The following GGT5 variants were observed in gnomAD, a reference collection of about 807,000 sequenced individuals.
GGT5 encodes gamma-glutamyltransferase 5, also known as glutathione hydrolase 5 proenzyme.
In GGT5, 50 loss-of-function variants were observed where a neutral mutation model predicts 58.1. The observed-to-expected ratio is 0.86, with a 90% CI of 0.69 to 1.09. GGT5 has a LOEUF of 1.09. Ranked by LOEUF, GGT5 falls within the 50% of genes least tolerant of loss-of-function variation. The pLI, the probability that GGT5 is intolerant of heterozygous loss-of-function variation, is 0.00. For missense variants in GGT5, 800 were observed against 789.4 expected (o/e 1.01, Z -0.16); for synonymous variants, 370 against 346.1 (o/e 1.07, Z -0.77).
chr22:24,244,295 GCA>G (rs146390000), intron 1 of GGT5: 7,872 of 384,502 alleles, frequency 0.02, no homozygotes, highest in East Asian at 0.031. Context: ...CAGTGCACGT[GCA>G]CACACACACA....
chr22:24,224,517 C>CA (rs575269473), intron 11 of GGT5, among the ~76,000 whole-genome samples: 16,859 of 136,362 alleles, frequency 0.12, 1,223 homozygotes, highest in South Asian at 0.24. Context: ...GATGCTGTCT[C>CA]AAAAAAAAAA....
At chr22:24,221,438 GC>G (rs1339339908) in intron 11 of GGT5, among the ~76,000 whole-genome samples, 3 of 152,022 alleles carry the variant, frequency 2.0e-5, no homozygotes, top group Admixed American at 6.5e-5. Flanking sequence ...TGACCTTGTG[GC>G]CCCCACCCAG....
intron 11 of GGT5, among the ~76,000 whole-genome samples, chr22:24,224,558 A>C (rs1398601908): frequency 1.3e-5 from 2 of 151,958 alleles, no homozygotes; most frequent in Non-Finnish European, 2.9e-5. Flanking sequence ...AATTACCACC[A>C]ATGCCCTAGT....
intron 1 of GGT5, chr22:24,241,108 G>A (rs1369258862): frequency 1.6e-5 from 2 of 128,524 alleles, no homozygotes; most frequent in African/African-American, 3.0e-5. Context: ...GGTGAGCCAA[G>A]ATCGTGCTAT....
intron 1 of GGT5, among the ~76,000 whole-genome samples, chr22:24,235,619 A>C (rs903696222): frequency 6.6e-6 from 1 of 152,212 alleles, no homozygotes; most frequent in Non-Finnish European, 1.5e-5. Flanking sequence ...GAGAGCACAA[A>C]GCCAGAAAAT....
rs199786821 is a variant in GGT5 at position 24,233,911 on chromosome 22, G to A, written c.267C>T (p.Gly89=). 4.2e-5 allele frequency: 67 copies of A among 1,613,350 alleles called. No individual in the cohort carries two copies. Among genetic ancestry groups the A allele is most frequent in the African/African-American group, 2.1e-4 (16 of 74,998 alleles). ...TGTAGATGGTGAAGATGACCCCTCC[G>A]CCCAGGCCCATGCTCTGAGGGTTGA... ...SVVNPQSMGL[G]GGVIFTIYNV... The change falls in exon 2 of 12, where the codon GGC becomes GGT. Residue 89 remains glycine, a synonymous_variant. Transcript: ENST00000327365.
intron 1 of GGT5, chr22:24,244,227 T>C (rs2048401904): frequency 3.2e-6 from 1 of 309,016 alleles, no homozygotes; most frequent in African/African-American, 2.1e-5. Flanking sequence ...GCTGCCTCCT[T>C]GCGCCCAAGA....
intron 6 of GGT5, among the ~76,000 whole-genome samples, chr22:24,230,768 T>C (rs192507115): frequency 6.6e-6 from 1 of 152,308 alleles, no homozygotes; most frequent in African/African-American, 2.4e-5. Context: ...ATCATTTTCT[T>C]TGAGAGCCTT....
At chr22:24,220,169 A>G in intron 11 of GGT5, 53 bp from the exon 12 acceptor site, 1 of 1,553,064 alleles carries the variant, frequency 6.4e-7, no homozygotes, top group Non-Finnish European at 8.8e-7. Context: ...GCCCATCTCC[A>G]GGAGGGAGAG....
At chr22:24,240,822 G>T (rs2048306739) in intron 1 of GGT5, among the ~76,000 whole-genome samples, 1 of 152,076 alleles carries the variant, frequency 6.6e-6, no homozygotes, top group South Asian at 2.1e-4. Context: ...ACTTTAAGAA[G>T]AAAAGTATTA....
chr22:24,231,978 C>T (rs2047955153), intron 5 of GGT5, 73 bp downstream of exon 5: 2 of 1,310,640 alleles, frequency 1.5e-6, no homozygotes, highest in Non-Finnish European at 2.2e-6. Flanking sequence ...AGGAGCCTGC[C>T]CTCAACCCCC....
intron 1 of GGT5, among the ~76,000 whole-genome samples, chr22:24,238,779 AATATATATTATATATT>A (rs2048183696): frequency 1.2e-4 from 3 of 24,282 alleles, no homozygotes; most frequent in African/African-American, 7.3e-4. Flanking sequence ...ATATATATAT[AATATATATTATATATT>A]TATATATATA....
At chr22:24,222,560 A>T (rs2047622811) in intron 11 of GGT5, among the ~76,000 whole-genome samples, 1 of 152,158 alleles carries the variant, frequency 6.6e-6, no homozygotes, top group African/African-American at 2.4e-5. Context: ...GGAGGCTTAA[A>T]GTCTCCAACC....
Position 24,231,452 on chromosome 22 carries a change from T to C in GGT5, c.833A>G (p.Tyr278Cys). ...VDALEVPLGD[Y>C]TLYSPPPPAG... ...AGGCGGCGGTGGTGAGTACAGGGTA[T>C]AGTCCCCCAGGGGCACCTCCAGGGC... is the stretch of plus-strand genomic sequence containing the variant. Residue 278 changes from tyrosine (Y) to cysteine (C), a missense_variant, in exon 6 of 12, where the codon TAT (tyrosine) becomes TGT (cysteine). Tyr to Cys is a radical substitution (Grantham distance 194). Transcript: ENST00000327365. 1 of 1,568,130 alleles carries C rather than the reference T, an allele frequency of 6.4e-7. No homozygotes were observed. The highest frequency in any genetic ancestry group is 8.6e-7 in the Non-Finnish European group (1 of 1,156,324).
Position 24,232,199 on chromosome 22 carries a change from G to T in GGT5, c.606C>A (p.Phe202Leu). Reference sequence around the variant, plus strand: ...GCCTCAGGGGTTCTGTCCCGTTGAAGAAGAGCTGGCTGGGGGGTGGGGGGA... The same window carrying T: ...GCCTCAGGGGTTCTGTCCCGTTGAATAAGAGCTGGCTGGGGGGTGGGGGGA... The part of the protein sequence containing the change: ...SLQASTLRQL[F>L]FNGTEPLRPQ... Residue 202 changes from phenylalanine (F) to leucine (L), a missense_variant, in exon 5 of 12, where the codon TTC becomes TTA. Coordinates refer to ENST00000327365, the MANE Select transcript of GGT5 (RefSeq NM_004121.5). The T allele has an allele frequency of 9.2e-7, 1 of 1,091,562 alleles. No homozygotes were observed. The highest frequency in any genetic ancestry group is 1.3e-6 in the Non-Finnish European group (1 of 768,056). The allele number at this position is 1,091,562 out of a possible 1,614,324, so 67.6% of individuals were successfully genotyped here.
intron 11 of GGT5, among the ~76,000 whole-genome samples, chr22:24,221,795 C>T (rs374607309): frequency 2.0e-4 from 30 of 152,100 alleles, no homozygotes; most frequent in East Asian, 7.8e-4. Flanking sequence ...CGGGAGCCAC[C>T]GCGCGCAGCC....
rs371281442 is a variant in GGT5, at chr22:24,225,565, G to A, written c.1317C>T (p.Ser439=). ...LDLCERCPRG[S]GTTPSPVSGD... Reference sequence around the variant, plus strand: ...TCTCACCAGGTGAGGGGGTGGTGCCGGAACCCCGGGGGCATCGCTCGCATA... The same window carrying A: ...TCTCACCAGGTGAGGGGGTGGTGCCAGAACCCCGGGGGCATCGCTCGCATA... Residue 439 remains serine (S), a synonymous_variant, in exon 9 of 12, where the codon TCC becomes TCT. Transcript: ENST00000327365. 2.0e-5 allele frequency: 33 copies of A among 1,611,736 alleles called. No individual in the cohort carries two copies. The African/African-American group carries it at 2.1e-4, about 10-fold the overall frequency.
intron 1 of GGT5, among the ~76,000 whole-genome samples, chr22:24,238,938 TA>T (rs1261150794): frequency 0.17 from 3,928 of 22,568 alleles, 708 homozygotes; most frequent in Admixed American, 0.2. Flanking sequence ...ATATATTATA[TA>T]ATATATATAT....
At chr22:24,240,017 T>C (rs140526924) in intron 1 of GGT5, among the ~76,000 whole-genome samples, 9,697 of 152,078 alleles carry the variant, frequency 0.064, 1,053 homozygotes, top group African/African-American at 0.22. Context: ...ACCCAAGAGG[T>C]GGAGGTTGCA....
Sources: allele counts gnomAD v4.1 joint callset (sites outside exome capture counted in the v4.1 genomes callset), GRCh38; gene constraint gnomAD v4.1.1; transcripts MANE v1.5; gene names NCBI Gene and HGNC (gene_info 2026-07-23, HGNC 2026-07-21).